Variants in PSTPIP1 observed in about 807,000 individuals in gnomAD.
PSTPIP1 encodes proline-serine-threonine phosphatase interacting protein 1.
Under a neutral mutation model 69.6 loss-of-function variants are expected in PSTPIP1, and 66 were observed. The observed-to-expected ratio is 0.95, with a 90% confidence interval of 0.78 to 1.16. PSTPIP1 has a LOEUF of 1.16. Among genes scored for constraint, PSTPIP1 ranks in the 50% most tolerant of loss-of-function variants. PSTPIP1 has a pLI of 0.00. For synonymous variants in PSTPIP1, 266 were observed against 222.7 expected (o/e 1.19, Z -1.73); for missense variants, 603 against 557.4 (o/e 1.08, Z -0.82).
intron 1 of PSTPIP1, among the ~76,000 whole-genome samples, chr15:77,012,136 T>C (rs2075948615): frequency 8.3e-6 from 1 of 119,840 alleles, no homozygotes; most frequent in South Asian, 3.2e-4. Flanking sequence ...CATCCATCCA[T>C]CCATCCATCC....
intron 8 of PSTPIP1, 109 bp from the exon 9 acceptor site, chr15:77,030,393 G>A (rs1374253355): frequency 8.8e-7 from 1 of 1,140,122 alleles, no homozygotes; most frequent in Non-Finnish European, 1.3e-6. Flanking sequence ...AGGTCCCATG[G>A]GGGAGGCGGG....
rs1372335371 is a variant in PSTPIP1 at position 77,000,486 on chromosome 15, C to T, written c.36+4877C>T. ...ATATATATATATATATACACACACA[C>T]ACACACACACACACACATACACACA... On this transcript the variant is annotated intron_variant, in intron 1 of 14. Transcript: ENST00000558012. Among the ~76,000 whole-genome samples the T allele has an allele frequency of 1.8e-3, 262 of 148,150 alleles. 5 individuals are homozygous for T. Among genetic ancestry groups the T allele is most frequent in the African/African-American group, 6.6e-3 (249 of 37,934 alleles).
chr15:77,034,848 C>T (rs2076516986), intron 12 of PSTPIP1, among the ~76,000 whole-genome samples: 2 of 152,258 alleles, frequency 1.3e-5, no homozygotes, highest in African/African-American at 4.8e-5. Flanking sequence ...GTTTTATTTT[C>T]CTTTATTCAG....
Position 77,008,753 on chromosome 15 carries a change from G to A in PSTPIP1, c.37-9395G>A, listed in dbSNP as rs755230675. Among the ~76,000 whole-genome samples the A allele has an allele frequency of 4.6e-5, 7 of 152,170 alleles. No individual in the cohort carries two copies. In the East Asian group the frequency reaches 5.8e-4, roughly 13 times the overall value. ...CCTCTGTGTAGGCTGAGAGTAAAAC[G>A]TTAAATAGTGAGTGGTCCCAGAGAG... On this transcript the variant is annotated intron_variant, in intron 1 of 14. Transcript: ENST00000558012.
At position 77,032,302 on chromosome 15, in the gene PSTPIP1, A is replaced by G; in HGVS notation, c.746A>G (p.Tyr249Cys). The G allele has an allele frequency of 6.2e-7, 1 of 1,612,444 alleles. No homozygotes were observed. Among genetic ancestry groups the G allele is most frequent in the African/African-American group, 1.3e-5 (1 of 75,050 alleles). The change falls in exon 11 of 15, where the codon TAC becomes TGC. Residue 249 changes from tyrosine (Y) to cysteine (C), a missense_variant. Transcript: ENST00000558012. ...SMQCVKDDEL[Y>C]EEVRLTLEGC... The stretch of plus-strand genomic sequence containing the variant: ...CTCTGCTCTTTCCTGCCCCAGCTCT[A>G]CGAGGAAGTGCGGCTGACGCTGGAA...
At chr15:77,008,939 G>T (rs1437964908) in intron 1 of PSTPIP1, among the ~76,000 whole-genome samples, 1 of 152,160 alleles carries the variant, frequency 6.6e-6, no homozygotes, top group Admixed American at 6.5e-5. Flanking sequence ...GCCTTTACTT[G>T]GCAGGCGCCA....
chr15:77,019,281 G>A (rs929224267), intron 3 of PSTPIP1, among the ~76,000 whole-genome samples: 2 of 152,230 alleles, frequency 1.3e-5, no homozygotes, highest in African/African-American at 4.8e-5. Context: ...CCTGGGTGAG[G>A]ACAGAGCCAG....
chr15:77,002,206 C>A (rs2152665466), intron 1 of PSTPIP1, among the ~76,000 whole-genome samples: 1 of 152,334 alleles, frequency 6.6e-6, no homozygotes, highest in Middle Eastern at 3.4e-3. Context: ...GGTCTAGGCC[C>A]AGACGAGGGT....
intron 5 of PSTPIP1, chr15:77,026,125 G>A (rs1478239924): frequency 4.4e-6 from 2 of 456,152 alleles, no homozygotes; most frequent in Admixed American, 2.3e-5. Flanking sequence ...GGGCATGGCT[G>A]TCCCGAGACA....
chr15:76,994,709 A>C, upstream of PSTPIP1: 1 of 1,263,388 alleles, frequency 7.9e-7, no homozygotes, highest in South Asian at 1.2e-5. Flanking sequence ...ACAGCCCCCC[A>C]GAGCACAGCT....
At chr15:77,010,982 C>A (rs2075923129) in intron 1 of PSTPIP1, among the ~76,000 whole-genome samples, 1 of 152,100 alleles carries the variant, frequency 6.6e-6, no homozygotes, top group African/African-American at 2.4e-5. Flanking sequence ...TTTCATGACA[C>A]AGGAGAAAGA....
chr15:77,033,587 C>T (rs2076474512), intron 12 of PSTPIP1, among the ~76,000 whole-genome samples: 1 of 152,166 alleles, frequency 6.6e-6, no homozygotes, highest in Admixed American at 6.5e-5. Context: ...TGTGAGCATC[C>T]ACAAGGGTCT....
intron 12 of PSTPIP1, among the ~76,000 whole-genome samples, chr15:77,034,889 C>T (rs1175053530): frequency 2.6e-5 from 4 of 152,254 alleles, no homozygotes; most frequent in Non-Finnish European, 4.4e-5. Flanking sequence ...TCAGTCCAGG[C>T]CTAAGCCTGG....
At chr15:77,032,522 T>A in intron 11 of PSTPIP1, 128 bp downstream of exon 11, 1 of 1,009,514 alleles carries the variant, frequency 9.9e-7, no homozygotes, top group Non-Finnish European at 1.5e-6. Context: ...AGAGAAGCCC[T>A]AGCAGGGGTT....
chr15:77,031,503 T>C lies in PSTPIP1; in HGVS notation c.741+225T>C, dbSNP rs2076416336. ...CTCTGCCTGGAAGATGATGACTCTG[T>C]GGTTCCCCTGACTTCCTCCTTATGC... On this transcript the variant is annotated intron_variant, in intron 10 of 14. Coordinates refer to ENST00000558012, the MANE Select transcript of PSTPIP1 (RefSeq NM_003978.5). 3.4e-5 allele frequency: 15 copies of C among 447,270 alleles called. No homozygotes were observed. The South Asian group carries it at 3.6e-4, about 11-fold the overall frequency. The allele number at this position is 447,270 out of a possible 1,614,324, so 27.7% of individuals were successfully genotyped here.
intron 3 of PSTPIP1, among the ~76,000 whole-genome samples, chr15:77,024,892 C>T (rs532612802): frequency 1.3e-3 from 194 of 152,240 alleles, no homozygotes; most frequent in Middle Eastern, 3.4e-3. Flanking sequence ...TGTAGCCTCA[C>T]CCTGGGGCCA....
At chr15:77,008,608 T>C (rs1010713672) in intron 1 of PSTPIP1, among the ~76,000 whole-genome samples, 1 of 152,066 alleles carries the variant, frequency 6.6e-6, no homozygotes, top group Non-Finnish European at 1.5e-5. Flanking sequence ...TGGGGTTTCA[T>C]CATGTTGACC....
Position 77,025,478 on chromosome 15 carries a change from T to C in PSTPIP1, c.248-20T>C. The C allele has an allele frequency of 6.4e-7, 1 of 1,570,448 alleles. No homozygotes were observed. Among genetic ancestry groups the C allele is most frequent in the Non-Finnish European group, 8.6e-7 (1 of 1,157,408 alleles). On this transcript the variant is annotated intron_variant, in intron 4 of 14. Coordinates refer to ENST00000558012, the MANE Select transcript of PSTPIP1 (RefSeq NM_003978.5). ...CATCAGATCTGACACTGGGGACCAG[T>C]ATCCATGCTCTGCCCCCAGAAATGG... is the stretch of plus-strand genomic sequence containing the variant.
chr15:77,027,512 C>T lies in PSTPIP1; in HGVS notation c.355-340C>T, dbSNP rs62007214. On this transcript the variant is annotated intron_variant, in intron 5 of 14. Coordinates refer to ENST00000558012, the MANE Select transcript of PSTPIP1 (RefSeq NM_003978.5). This position sits in a 1 kb window ranked among gnomAD's most constrained non-coding sequence, Gnocchi z 4.3. ...ATGTGTGTGCCAGAGTGTACACACA[C>T]GTGTGAGCGACTGTGATGCCTGCAG... Among the ~76,000 whole-genome samples the T allele has an allele frequency of 9.6e-3, 1,455 of 152,288 alleles. 8 individuals carry two copies. The highest frequency in any genetic ancestry group is 0.015 in the Non-Finnish European group (1,054 of 68,018).
Sources: allele counts gnomAD v4.1 joint callset (sites outside exome capture counted in the v4.1 genomes callset), GRCh38; gene constraint gnomAD v4.1.1; non-coding constraint Gnocchi (gnomAD v3.1); transcripts MANE v1.5; gene names NCBI Gene and HGNC (gene_info 2026-07-23, HGNC 2026-07-21).